DIS3L2: variants seen among roughly 807,000 people sequenced by gnomAD.
The protein encoded by DIS3L2 is DIS3 like 3'-5' exoribonuclease 2, also known as DIS3-like exonuclease 2.
Under a neutral mutation model 97.5 loss-of-function variants are expected in DIS3L2, and 34 were observed. That is an observed-to-expected ratio of 0.35 (90% CI 0.27 to 0.46). DIS3L2 has a LOEUF of 0.46. Among genes scored for constraint, DIS3L2 ranks in the 20% least tolerant of loss-of-function variants. The pLI is 1.00. For missense variants in DIS3L2, 1,038 were observed against 1,146.0 expected, an observed-to-expected ratio of 0.91 and a Z score of 1.36; for synonymous variants, 435 against 445.2, an observed-to-expected ratio of 0.98 and a Z score of 0.29.
intron 9 of DIS3L2, among the ~76,000 whole-genome samples, chr2:232,165,440 C>T (rs1311946352): frequency 2.6e-5 from 4 of 152,116 alleles, no homozygotes; most frequent in South Asian, 2.1e-4. Context: ...ACAGTGACTA[C>T]CATGGAGAGT....
chr2:232,050,303 G>A (rs575842404), intron 5 of DIS3L2, among the ~76,000 whole-genome samples: 10 of 151,940 alleles, frequency 6.6e-5, no homozygotes, highest in Non-Finnish European at 1.0e-4. Context: ...ACGGAGTCTC[G>A]CTCTGTCGCC....
chr2:232,117,803 G>T (rs1473080485), intron 6 of DIS3L2, among the ~76,000 whole-genome samples: 1 of 152,174 alleles, frequency 6.6e-6, no homozygotes, highest in Admixed American at 6.5e-5. Flanking sequence ...CTGTGAAAAG[G>T]CCTCCCATTC....
At chr2:232,182,124 G>A (rs1691300526) in intron 9 of DIS3L2, among the ~76,000 whole-genome samples, 1 of 151,950 alleles carries the variant, frequency 6.6e-6, no homozygotes, top group Non-Finnish European at 1.5e-5. Flanking sequence ...AATTTTCATA[G>A]GTTGTATTTT....
At chr2:232,001,179 A>G (rs1437382038) in intron 1 of DIS3L2, among the ~76,000 whole-genome samples, 2 of 152,200 alleles carry the variant, frequency 1.3e-5, no homozygotes, top group African/African-American at 2.4e-5. Context: ...CCAACAGTGT[A>G]CAAGGGTTCT....
intron 1 of DIS3L2, among the ~76,000 whole-genome samples, chr2:231,971,346 A>G (rs1018466223): frequency 6.6e-6 from 1 of 151,856 alleles, no homozygotes; most frequent in African/African-American, 2.4e-5. Flanking sequence ...GCTCACTGCA[A>G]CTTCTGCCTG....
chr2:232,100,097 G>A (rs1328079122), intron 6 of DIS3L2, among the ~76,000 whole-genome samples: 2 of 151,592 alleles, frequency 1.3e-5, no homozygotes, highest in South Asian at 2.1e-4. Flanking sequence ...GTGCAATTGC[G>A]TGATCTCGGC....
At chr2:232,046,681 A>G (rs1332925464) in intron 5 of DIS3L2, among the ~76,000 whole-genome samples, 2 of 152,146 alleles carry the variant, frequency 1.3e-5, no homozygotes, top group East Asian at 1.9e-4. Context: ...TGAAGGATAT[A>G]TTGTTCTTGT....
intron 7 of DIS3L2, chr2:232,131,970 AGTCGTCGGTGGGCGGGGGTGGGGGTGTTC>A (rs1698231548): frequency 1.6e-5 from 1 of 61,466 alleles, no homozygotes; most frequent in African/African-American, 6.5e-5. Flanking sequence ...AAAAAAAAAG[AGTCGTCGGTGGGCGGGGGTGGGGGTGTTC>A]ACATTAAAAA....
intron 8 of DIS3L2, among the ~76,000 whole-genome samples, chr2:232,148,423 A>G (rs1690285735): frequency 6.6e-6 from 1 of 152,088 alleles, no homozygotes; most frequent in South Asian, 2.1e-4. Flanking sequence ...TTAGATTTTT[A>G]TCTGCCATAA....
chr2:232,071,609 A>G (rs762506960), intron 5 of DIS3L2, among the ~76,000 whole-genome samples: 4 of 152,226 alleles, frequency 2.6e-5, no homozygotes, highest in Non-Finnish European at 5.9e-5. Context: ...TGAATGGTGT[A>G]TAATGGAAGG....
In DIS3L2 at chr2:232,089,221, C is replaced by A. The variant is rs184383724; in HGVS notation, c.601+1500C>A. Among the ~76,000 whole-genome samples the A allele has an allele frequency of 4.5e-4, 68 of 152,298 alleles. 1 individual carries two copies. The highest frequency in any genetic ancestry group is 1.4e-3 in the African/African-American group (57 of 41,570). On this transcript the variant is annotated intron_variant, in intron 6 of 20. Transcript: ENST00000325385. ...CCAAGTACTCATTCAGAATGACTTT[C>A]CAACTTTGAAATTCTTCTTGACTGA...
chr2:232,309,040 C>T (rs1695056135), intron 14 of DIS3L2, among the ~76,000 whole-genome samples: 1 of 152,120 alleles, frequency 6.6e-6, no homozygotes, highest in Admixed American at 6.5e-5. Flanking sequence ...CTTCCTTCAC[C>T]TTACAGCAAC....
intron 5 of DIS3L2, among the ~76,000 whole-genome samples, chr2:232,062,754 T>C (rs911468743): frequency 3.3e-5 from 5 of 151,838 alleles, no homozygotes; most frequent in African/African-American, 1.2e-4. Context: ...GTATCTCCCC[T>C]CCTTCCCTCC....
intron 2 of DIS3L2, 110 bp from the exon 3 acceptor site, chr2:232,015,402 TCA>T: frequency 7.3e-7 from 1 of 1,378,582 alleles, no homozygotes; most frequent in South Asian, 1.5e-5. Context: ...TCAGGGAGTT[TCA>T]GTCTCTTGTT....
chr2:232,300,085 G>A lies in DIS3L2; in HGVS notation c.1705G>A (p.Gly569Arg). 1 of 1,613,946 alleles carries A rather than the reference G, an allele frequency of 6.2e-7. No homozygotes were observed. Among genetic ancestry groups the A allele is most frequent in the Non-Finnish European group, 8.5e-7 (1 of 1,179,844 alleles). The change falls in exon 14 of 21, where the codon GGA becomes AGA. Residue 569 changes from glycine (G) to arginine (R), a missense_variant. Coordinates refer to ENST00000325385, the MANE Select transcript of DIS3L2 (RefSeq NM_152383.5). Reference protein sequence around the residue: ...TLDHETGLPQGCHIYEYRESN... With the variant: ...TLDHETGLPQRCHIYEYRESN... Reference sequence around the variant, plus strand: ...GGACCACGAGACCGGATTGCCTCAAGGATGTCATATCTATGAGTACCGCGA... The same window carrying A: ...GGACCACGAGACCGGATTGCCTCAAAGATGTCATATCTATGAGTACCGCGA...
intron 6 of DIS3L2, among the ~76,000 whole-genome samples, chr2:232,091,089 A>G (rs1696824225): frequency 6.6e-6 from 1 of 152,118 alleles, no homozygotes; most frequent in African/African-American, 2.4e-5. Context: ...CCCCTTTGAG[A>G]TTGAACTTTT....
intron 13 of DIS3L2, among the ~76,000 whole-genome samples, chr2:232,295,952 C>A (rs1694716041): frequency 6.6e-6 from 1 of 152,210 alleles, no homozygotes; most frequent in African/African-American, 2.4e-5. Flanking sequence ...TTTCTGTTGT[C>A]CAGCTCTTAA....
intron 10 of DIS3L2, among the ~76,000 whole-genome samples, chr2:232,230,112 G>A (rs1574959885): frequency 6.6e-6 from 1 of 152,126 alleles, no homozygotes; most frequent in African/African-American, 2.4e-5. Context: ...GTCAGCTTTT[G>A]TGTAAGATTA....
intron 8 of DIS3L2, among the ~76,000 whole-genome samples, 200 bp downstream of exon 8, chr2:232,136,919 C>T (rs1698376335): frequency 6.6e-6 from 1 of 152,204 alleles, no homozygotes; most frequent in South Asian, 2.1e-4. Flanking sequence ...AATTACCAGG[C>T]AGTCACATTC....
Sources: allele counts gnomAD v4.1 joint callset (sites outside exome capture counted in the v4.1 genomes callset), GRCh38; gene constraint gnomAD v4.1.1; transcripts MANE v1.5; gene names NCBI Gene and HGNC (gene_info 2026-07-23, HGNC 2026-07-21).